The following TPTE2 variants were observed in gnomAD, a reference collection of about 807,000 sequenced individuals.
The protein encoded by TPTE2 is phosphatidylinositol 3,4,5-trisphosphate 3-phosphatase TPTE2.
TPTE2 carries 53 observed loss-of-function variants against 78.6 expected under a neutral mutation model. The ratio of observed to expected loss-of-function variants is 0.67; its 90% CI spans 0.54 to 0.85. The LOEUF (loss-of-function observed/expected upper bound fraction) is 0.85. Among genes scored for constraint, TPTE2 ranks in the 40% least tolerant of loss-of-function variants. TPTE2 has a pLI of 0.00. For missense variants in TPTE2, 461 were observed against 623.0 expected (o/e 0.74, Z 2.77); for synonymous variants, 175 against 206.2 (o/e 0.85, Z 1.30).
chr13:19,533,774 G>GA (rs1386776629), intron 1 of TPTE2, among the ~76,000 whole-genome samples: 5 of 152,144 alleles, frequency 3.3e-5, no homozygotes, highest in Non-Finnish European at 7.4e-5. Flanking sequence ...GCAGAGAACA[G>GA]AAAAAAGCAC....
At chr13:19,457,769 G>T (rs570614748) in intron 10 of TPTE2, among the ~76,000 whole-genome samples, 1 of 151,776 alleles carries the variant, frequency 6.6e-6, no homozygotes, top group Admixed American at 6.6e-5. Flanking sequence ...TTTTGTTGTT[G>T]TTTTTTTAAG....
intron 6 of TPTE2, among the ~76,000 whole-genome samples, chr13:19,473,105 G>A (rs1392211563): frequency 6.6e-6 from 1 of 152,180 alleles, no homozygotes; most frequent in Non-Finnish European, 1.5e-5. Context: ...GGGGTTGAGT[G>A]ACACAAGCAC....
At chr13:19,504,532 G>C (rs1868862268), upstream of TPTE2, among the ~76,000 whole-genome samples, 1 of 152,020 alleles carries the variant, frequency 6.6e-6, no homozygotes, top group Admixed American at 6.6e-5. Flanking sequence ...CCTGTCCACT[G>C]CTACTCGCTT....
chr13:19,514,390 T>C (rs1869652412), intron 1 of TPTE2, among the ~76,000 whole-genome samples: 1 of 152,190 alleles, frequency 6.6e-6, no homozygotes, highest in African/African-American at 2.4e-5. Flanking sequence ...GTCATAGTTG[T>C]CAGAGCATAT....
the TPTE2 span, among the ~76,000 whole-genome samples, chr13:19,548,779 A>G: frequency 1.3e-5 from 2 of 152,046 alleles, no homozygotes; most frequent in Non-Finnish European, 2.9e-5. Flanking sequence ...TCTAGGAAAT[A>G]CCATTCTAGA....
intron 15 of TPTE2, 96 bp downstream of exon 18, chr13:19,436,130 C>G: frequency 9.7e-7 from 1 of 1,031,640 alleles, no homozygotes. Flanking sequence ...GCTGCCTGAT[C>G]ACCAAAGGAG....
At chr13:19,528,921 A>T (rs1456919340) in intron 1 of TPTE2, among the ~76,000 whole-genome samples, 1 of 152,052 alleles carries the variant, frequency 6.6e-6, no homozygotes, top group Non-Finnish European at 1.5e-5. Flanking sequence ...GGAGTTCAAG[A>T]CCAGCCTGGA....
At position 19,424,829 on chromosome 13, in the gene TPTE2, G is replaced by A. The variant is rs115322921; in HGVS notation, c.1466+118C>T. 3,526 of 662,696 alleles carry A rather than the reference G, an allele frequency of 5.3e-3. 118 individuals carry two copies. The African/African-American group carries it at 0.061, about 11-fold the overall frequency. 41.1% of individuals were successfully genotyped at this position (662,696 alleles called of 1,614,324 possible). On this transcript the variant is annotated intron_variant, in intron 19 of 19. Coordinates refer to ENST00000400230, the Ensembl canonical transcript of TPTE2. ...TAAGGCAAGGAAAAATGGTGGCTCA[G>A]GGATTTTTTGCTTTCTATAAATTAA...
At chr13:19,560,783 C>G in the TPTE2 span, 1 of 1,469,880 alleles carries the variant, frequency 6.8e-7, no homozygotes, top group Non-Finnish European at 9.3e-7. Context: ...AGCGGGTCCA[C>G]CTCTGGCACC....
intron 1 of TPTE2, among the ~76,000 whole-genome samples, chr13:19,499,480 T>G (rs1881619869): frequency 1.4e-5 from 2 of 138,808 alleles, no homozygotes; most frequent in East Asian, 2.1e-4. Flanking sequence ...AAACTAGAAC[T>G]CAGGATTAAG....
chr13:19,445,032 A>G (rs960433879), intron 13 of TPTE2, among the ~76,000 whole-genome samples: 11 of 152,220 alleles, frequency 7.2e-5, no homozygotes, highest in African/African-American at 2.7e-4. Flanking sequence ...ATGTCCTTTA[A>G]ACTCAAGGAA....
intron 1 of TPTE2, among the ~76,000 whole-genome samples, chr13:19,531,128 C>T (rs188196544): frequency 4.3e-4 from 66 of 152,274 alleles, no homozygotes; most frequent in African/African-American, 1.4e-3. Flanking sequence ...GCTTATTTCA[C>T]TTAGTATAAT....
intron 3 of TPTE2, among the ~76,000 whole-genome samples, chr13:19,485,537 G>A (rs1424971513): frequency 6.6e-6 from 1 of 151,962 alleles, no homozygotes; most frequent in Non-Finnish European, 1.5e-5. Flanking sequence ...TGTATTTGGG[G>A]TTCTTTGATC....
intron 10 of TPTE2, among the ~76,000 whole-genome samples, chr13:19,460,561 T>G (rs1878822975): frequency 6.6e-6 from 1 of 152,156 alleles, no homozygotes; most frequent in Non-Finnish European, 1.5e-5. Context: ...CTATAGCCCT[T>G]GGTTTATCAC....
exon 20 of TPTE2, chr13:19,423,130 G>A (rs1210730184): frequency 1.2e-6 from 2 of 1,610,518 alleles, no homozygotes; most frequent in East Asian, 2.2e-5. Flanking sequence ...TTTTGTTTAT[G>A]TGGATTATCC....
the TPTE2 span, among the ~76,000 whole-genome samples, chr13:19,552,391 A>T: frequency 5.3e-5 from 8 of 152,314 alleles, no homozygotes; most frequent in South Asian, 1.2e-3. Context: ...TCAAGCATCT[A>T]AAAATAAGTG....
chr13:19,439,817 A>C (rs1354676300), intron 13 of TPTE2, among the ~76,000 whole-genome samples: 1 of 152,178 alleles, frequency 6.6e-6, no homozygotes, highest in South Asian at 2.1e-4. Context: ...ATACAACTGA[A>C]AACTTTATCA....
chr13:19,436,997 T>C (rs571709526), intron 14 of TPTE2, among the ~76,000 whole-genome samples: 2 of 151,248 alleles, frequency 1.3e-5, no homozygotes, highest in East Asian at 3.9e-4. Context: ...CTTTCAAACC[T>C]TTTGTTTTTT....
At chr13:19,464,048 C>T (rs1879103067) in intron 10 of TPTE2, among the ~76,000 whole-genome samples, 1 of 151,728 alleles carries the variant, frequency 6.6e-6, no homozygotes, top group African/African-American at 2.4e-5. Context: ...CCTTGGGCCT[C>T]GGGGGGGTGC....
Sources: allele counts gnomAD v4.1 joint callset (sites outside exome capture counted in the v4.1 genomes callset), GRCh38; gene constraint gnomAD v4.1.1; transcripts MANE v1.5; gene names NCBI Gene and HGNC (gene_info 2026-07-23, HGNC 2026-07-21).